Variants in GLRA1 observed in about 807,000 individuals in gnomAD.
GLRA1 encodes the protein glycine receptor subunit alpha-1.
GLRA1 carries 37 observed loss-of-function variants against 48.3 expected under a neutral mutation model. That is an observed-to-expected ratio of 0.77 (90% confidence interval 0.59 to 1.01). The LOEUF is 1.01. GLRA1 is among the 50% of genes least tolerant of loss of function. GLRA1 has a pLI of 0.00. For synonymous variants in GLRA1, 196 were observed against 210.7 expected (o/e 0.93, Z 0.60); for missense variants, 427 against 571.0 (o/e 0.75, Z 2.57).
chr5:151,839,246 C>T (rs146578778), intron 7 of GLRA1, among the ~76,000 whole-genome samples: 9 of 152,244 alleles, frequency 5.9e-5, no homozygotes, highest in East Asian at 1.9e-4. Flanking sequence ...TACTAAAGGA[C>T]GCCCTTTAGG....
chr5:151,842,213 A>G (rs1304192311), intron 7 of GLRA1, among the ~76,000 whole-genome samples: 1 of 152,174 alleles, frequency 6.6e-6, no homozygotes, highest in Non-Finnish European at 1.5e-5. Context: ...AATCCTTCTT[A>G]TACTCTCAGA....
chr5:151,862,646 C>T (rs910281433), intron 3 of GLRA1, among the ~76,000 whole-genome samples: 41 of 152,090 alleles, frequency 2.7e-4, no homozygotes, highest in Admixed American at 5.2e-4. Context: ...AATGTTAGAC[C>T]GGATGAAATA....
At chr5:151,881,972 C>T (rs1313784847) in intron 3 of GLRA1, among the ~76,000 whole-genome samples, 3 of 152,172 alleles carry the variant, frequency 2.0e-5, no homozygotes, top group African/African-American at 7.2e-5. Flanking sequence ...TGGTGCACAA[C>T]TAGCTGTTTG....
intron 7 of GLRA1, among the ~76,000 whole-genome samples, chr5:151,834,160 A>C (rs1561548240): frequency 6.6e-6 from 1 of 152,204 alleles, no homozygotes; most frequent in Non-Finnish European, 1.5e-5. Flanking sequence ...ACCCAAAATC[A>C]ACAAAATATA....
intron 6 of GLRA1, 31 bp downstream of exon 6, chr5:151,855,008 TG>T (rs777043665): frequency 8.7e-6 from 14 of 1,609,342 alleles, no homozygotes; most frequent in African/African-American, 4.0e-5. Flanking sequence ...GGTTGGGGGG[TG>T]GGATCTGAGG....
At chr5:151,836,621 G>A (rs530284213) in intron 7 of GLRA1, among the ~76,000 whole-genome samples, 6 of 152,198 alleles carry the variant, frequency 3.9e-5, no homozygotes, top group South Asian at 4.1e-4. Context: ...ATAGACCAAC[G>A]GAACAGAACA....
At chr5:151,902,401 C>A (rs1305626325) in intron 1 of GLRA1, among the ~76,000 whole-genome samples, 3 of 151,974 alleles carry the variant, frequency 2.0e-5, no homozygotes, top group South Asian at 2.1e-4. Flanking sequence ...TTTATTACAT[C>A]ATTTCTGTCA....
intron 7 of GLRA1, chr5:151,850,609 T>C: frequency 6.8e-7 from 1 of 1,474,734 alleles, no homozygotes; most frequent in Non-Finnish European, 9.5e-7. Context: ...TCAACGACTT[T>C]TCTGCTGGTG....
chr5:151,855,146 C>T lies in GLRA1; in HGVS notation c.591G>A (p.Glu197=), dbSNP rs1561557908. 2 of 1,614,052 alleles carry T rather than the reference C, an allele frequency of 1.2e-6. No homozygotes were observed. The highest frequency in any genetic ancestry group is 1.7e-6 in the Non-Finnish European group (2 of 1,179,924). The change falls in exon 6 of 9, where the codon GAG becomes GAA. Residue 197 remains glutamate, a synonymous_variant. Coordinates refer to ENST00000274576, the MANE Select transcript of GLRA1 (RefSeq NM_000171.4). The part of the protein sequence containing the change: ...FGYTMNDLIF[E]WQEQGAVQVA... ...CCTGCACGGCTCCCTGTTCCTGCCA[C>T]TCAAAGATGAGGTCATTCATCGTAT...
chr5:151,885,722 G>C (rs1223034333), intron 3 of GLRA1, among the ~76,000 whole-genome samples: 1 of 152,164 alleles, frequency 6.6e-6, no homozygotes, highest in Non-Finnish European at 1.5e-5. Flanking sequence ...AAATGAAGCA[G>C]GGTGAATCAC....
intron 8 of GLRA1, among the ~76,000 whole-genome samples, chr5:151,823,803 A>G (rs1763204960): frequency 6.6e-6 from 1 of 151,340 alleles, no homozygotes; most frequent in African/African-American, 2.4e-5. Context: ...TCACTACCAA[A>G]ATGCCTGCTG....
At chr5:151,887,900 G>A (rs1263764384) in intron 2 of GLRA1, among the ~76,000 whole-genome samples, 1 of 152,252 alleles carries the variant, frequency 6.6e-6, no homozygotes. Flanking sequence ...CCTCAGAAAG[G>A]TGGTGGCCTG....
rs1350929469 is a variant in GLRA1 at position 151,849,401 on chromosome 5, C to A, written c.912+1989G>T. 9.5e-3 allele frequency among the ~76,000 whole-genome samples: 73 copies of A among 7,700 alleles called. 2 individuals are homozygous for A. The highest frequency in any genetic ancestry group is 0.039 in the African/African-American group (63 of 1,630). 5.1% of individuals were successfully genotyped at this position (7,700 alleles called of 152,430 possible). ...GTTTCCTTTCCTTTCCTTTCCTTTC[C>A]TTTCCTTTCCTTTCCTTTCCTTTCC... On this transcript the variant is annotated intron_variant, in intron 7 of 8. Coordinates refer to ENST00000274576, the MANE Select transcript of GLRA1 (RefSeq NM_000171.4).
chr5:151,830,130 C>T (rs1244101129), intron 7 of GLRA1, among the ~76,000 whole-genome samples: 1 of 152,172 alleles, frequency 6.6e-6, no homozygotes, highest in Non-Finnish European at 1.5e-5. Context: ...TCCATAGTAG[C>T]ATTGAAAACC....
chr5:151,859,130 A>G (rs924346348), intron 4 of GLRA1, among the ~76,000 whole-genome samples: 2 of 152,220 alleles, frequency 1.3e-5, no homozygotes, highest in African/African-American at 2.4e-5. Flanking sequence ...GTGAATTCTC[A>G]TGAATGGTAG....
At chr5:151,913,047 C>T (rs1434481941) in intron 1 of GLRA1, among the ~76,000 whole-genome samples, 2 of 152,150 alleles carry the variant, frequency 1.3e-5, no homozygotes, top group Admixed American at 6.5e-5. Flanking sequence ...AGGGACAATT[C>T]ATGGAGGAAA....
At chr5:151,919,222 A>G (rs1040496075) in intron 1 of GLRA1, among the ~76,000 whole-genome samples, 38 of 152,240 alleles carry the variant, frequency 2.5e-4, no homozygotes, top group African/African-American at 9.2e-4. Flanking sequence ...AAAGATGGGA[A>G]AAATATGTTA....
intron 8 of GLRA1, among the ~76,000 whole-genome samples, chr5:151,828,586 A>G (rs550382639): frequency 1.3e-5 from 2 of 152,324 alleles, no homozygotes; most frequent in South Asian, 4.1e-4. Context: ...TCTTGCAGAA[A>G]AAAGCCAGTG....
intron 1 of GLRA1, among the ~76,000 whole-genome samples, chr5:151,916,009 A>G (rs1329296945): frequency 1.3e-5 from 2 of 151,604 alleles, no homozygotes; most frequent in Non-Finnish European, 2.9e-5. Context: ...GTAGAGGGGG[A>G]GGGTTATTAG....
Sources: allele counts gnomAD v4.1 joint callset (sites outside exome capture counted in the v4.1 genomes callset), GRCh38; gene constraint gnomAD v4.1.1; transcripts MANE v1.5; gene names NCBI Gene and HGNC (gene_info 2026-07-23, HGNC 2026-07-21).